COL4A2: variants seen among roughly 807,000 people sequenced by gnomAD.
COL4A2 encodes the protein collagen type IV alpha 2 chain.
COL4A2 carries 99 observed loss-of-function variants against 200.2 expected under a neutral mutation model. That is an observed-to-expected ratio of 0.49 (90% CI 0.42 to 0.58). The LOEUF (loss-of-function observed/expected upper bound fraction) is 0.58. COL4A2 is among the 20% of genes least tolerant of loss of function. The probability of loss-of-function intolerance (pLI) is 0.00; values close to 1 mark genes in which losing one functional copy is unlikely to be tolerated. For synonymous variants in COL4A2, 897 were observed against 900.6 expected, an observed-to-expected ratio of 1.00 and a Z score of 0.07; for missense variants, 1,950 against 2,314.1, an observed-to-expected ratio of 0.84 and a Z score of 3.23.
intron 3 of COL4A2, among the ~76,000 whole-genome samples, chr13:110,348,678 A>AGATAACTTTTTAGCTTTCAAAAGGAT (rs1876819795): frequency 6.6e-6 from 1 of 151,954 alleles, no homozygotes; most frequent in Admixed American, 6.5e-5. Flanking sequence ...TGCCTTGAAA[A>AGATAACTTTTTAGCTTTCAAAAGGAT]GATAACTTTT....
At chr13:110,312,683 G>A (rs1344919062) in intron 3 of COL4A2, among the ~76,000 whole-genome samples, 1 of 152,210 alleles carries the variant, frequency 6.6e-6, no homozygotes, top group Non-Finnish European at 1.5e-5. Context: ...TGTGTCTGCT[G>A]GTGTCTACTG....
rs1883276662 is a variant in COL4A2, at chr13:110,491,274, A to G, written c.3388A>G (p.Ile1130Val). 3.1e-6 allele frequency: 5 copies of G among 1,601,746 alleles called. No homozygotes were observed. Among genetic ancestry groups the G allele is most frequent in the East Asian group, 2.2e-5 (1 of 44,516 alleles). The part of the protein sequence containing the change: ...FFGEKGTEGD[I>V]GFPGITGVTG... ...TGGAGAGAAGGGAACAGAAGGTGAC[A>G]TCGGCTTCCCTGGGATAACAGGCGT... The change falls in exon 37 of 48, where the codon ATC (isoleucine) becomes GTC (valine). Residue 1130 changes from isoleucine to valine, a missense_variant. Ile to Val is a conservative substitution (Grantham distance 29, BLOSUM62 3). This residue lies in a region of COL4A2 where 1,385 missense variants were observed against 1,720.5 expected (regional missense o/e 0.80). Coordinates refer to ENST00000360467, the MANE Select transcript of COL4A2 (RefSeq NM_001846.4).
intron 17 of COL4A2, 90 bp from the exon 18 acceptor site, chr13:110,446,708 A>G: frequency 9.0e-7 from 1 of 1,115,256 alleles, no homozygotes; most frequent in East Asian, 2.5e-5. Context: ...CTGACGGTCC[A>G]CGCTCGGGTT....
In COL4A2 at chr13:110,491,192, G is replaced by A. The variant is rs576179008; in HGVS notation, c.3347-41G>A. 89 of 1,422,734 alleles carry A rather than the reference G, an allele frequency of 6.3e-5. 1 individual carries two copies. Among genetic ancestry groups the A allele is most frequent in the Middle Eastern group, 3.8e-4 (2 of 5,238 alleles). The allele number at this position is 1,422,734 out of a possible 1,614,324, so 88.1% of individuals were successfully genotyped here. A position where few individuals can be genotyped will look rare whatever the true frequency, so the allele number is the denominator to read the frequency against. ...GGGGTTCCAGGGAACCCACAGGGGCGCGGTGTCTGTTTGTTCCAAGCAGCA... is the reference window on the plus strand; with the variant it reads ...GGGGTTCCAGGGAACCCACAGGGGCACGGTGTCTGTTTGTTCCAAGCAGCA... On this transcript the variant is annotated intron_variant, in intron 36 of 47. Coordinates refer to ENST00000360467, the MANE Select transcript of COL4A2 (RefSeq NM_001846.4).
intron 47 of COL4A2, among the ~76,000 whole-genome samples, chr13:110,509,029 T>C (rs1188733013): frequency 6.6e-6 from 1 of 151,970 alleles, no homozygotes; most frequent in Non-Finnish European, 1.5e-5. Flanking sequence ...AAAAATCAAA[T>C]AGTGAATTGA....
Position 110,454,851 on chromosome 13 carries a change from C to T in COL4A2, c.1340-2492C>T, listed in dbSNP as rs139822358. Among the ~76,000 whole-genome samples, 366 of 152,258 alleles carry T rather than the reference C, an allele frequency of 2.4e-3. 2 individuals carry two copies. Among genetic ancestry groups the T allele is most frequent in the African/African-American group, 8.4e-3 (351 of 41,554 alleles). Reference sequence around the variant, plus strand: ...CTCGACACAGAGTCAACCCTATGCACGTGTCTCACAAATGCCTCAAGCTCT... The same window carrying T: ...CTCGACACAGAGTCAACCCTATGCATGTGTCTCACAAATGCCTCAAGCTCT... On this transcript the variant is annotated intron_variant, in intron 20 of 47. Coordinates refer to ENST00000360467, the MANE Select transcript of COL4A2 (RefSeq NM_001846.4).
intron 16 of COL4A2, among the ~76,000 whole-genome samples, chr13:110,442,259 T>C (rs1881156442): frequency 6.6e-6 from 1 of 152,250 alleles, no homozygotes; most frequent in South Asian, 2.1e-4. Flanking sequence ...CCCAGCTTAC[T>C]TTCTGCAGTT....
chr13:110,506,696 C>T (rs937169322), intron 46 of COL4A2, 90 bp downstream of exon 46: 2 of 1,349,990 alleles, frequency 1.5e-6, no homozygotes, highest in Non-Finnish European at 2.0e-6. Flanking sequence ...CTCCCAAACC[C>T]TCCACGGCTG....
At chr13:110,311,371 C>T (rs9583481) in intron 3 of COL4A2, among the ~76,000 whole-genome samples, 2,041 of 152,242 alleles carry the variant, frequency 0.013, 51 homozygotes, top group African/African-American at 0.047. Flanking sequence ...AAAATGGCTT[C>T]GTGTAAGGCA....
rs746411535 is a variant in COL4A2, at chr13:110,508,101, C to T, written c.4761C>T (p.Ile1587=). The change falls in exon 47 of 48, where the codon ATC becomes ATT. Residue 1587 remains isoleucine, a synonymous_variant. Transcript: ENST00000360467. The surrounding 1 kb of genome is among the most constrained non-coding windows in gnomAD (Gnocchi z 6.1). ...CCGAGGACGAGATCAAGCCCTACAT[C>T]AGCCGCTGTTCTGTGTGTGAGGCCC... ...PVAEDEIKPY[I]SRCSVCEAPA... The T allele has an allele frequency of 6.2e-7, 1 of 1,614,262 alleles. No individual in the cohort carries two copies. Among genetic ancestry groups the T allele is most frequent in the East Asian group, 2.2e-5 (1 of 44,886 alleles).
At chr13:110,375,872 A>C (rs113538746) in intron 4 of COL4A2, among the ~76,000 whole-genome samples, 17 of 152,216 alleles carry the variant, frequency 1.1e-4, no homozygotes, top group African/African-American at 3.1e-4. Context: ...TGATTATGCT[A>C]CATCTTTATA....
At chr13:110,387,595 C>T (rs866955999) in intron 4 of COL4A2, among the ~76,000 whole-genome samples, 1 of 152,228 alleles carries the variant, frequency 6.6e-6, no homozygotes, top group Non-Finnish European at 1.5e-5. Context: ...TGGGGAGGAA[C>T]GCAGGCGGCT....
At chr13:110,319,967 T>A (rs569363086) in intron 3 of COL4A2, among the ~76,000 whole-genome samples, 1 of 152,352 alleles carries the variant, frequency 6.6e-6, no homozygotes, top group South Asian at 2.1e-4. Flanking sequence ...CAGTGATATG[T>A]CAATTTCCTG....
rs1175475917 is a variant in COL4A2 at position 110,494,048 on chromosome 13, C to A, written c.3634+766C>A. Among the ~76,000 whole-genome samples, 39 of 142,566 alleles carry A rather than the reference C, an allele frequency of 2.7e-4. No individual in the cohort carries two copies. In the Admixed American group the frequency reaches 2.8e-3, roughly 10 times the overall value. The allele number at this position is 142,566 out of a possible 152,430, so 93.5% of individuals were successfully genotyped here. A position where few individuals can be genotyped will look rare whatever the true frequency, so the allele number is the denominator to read the frequency against. ...GGAGAATGACACAATCAGTCCATAG[C>A]AAGGTGAACCAAGGGCTTCTTACCA... is the stretch of plus-strand genomic sequence containing the variant. On this transcript the variant is annotated intron_variant, in intron 39 of 47. Coordinates refer to ENST00000360467, the MANE Select transcript of COL4A2 (RefSeq NM_001846.4).
intron 4 of COL4A2, among the ~76,000 whole-genome samples, chr13:110,418,994 T>C (rs1880145975): frequency 6.6e-6 from 1 of 152,224 alleles, no homozygotes; most frequent in Admixed American, 6.5e-5. Flanking sequence ...TTCCACCTTT[T>C]GGGACATTTT....
intron 4 of COL4A2, among the ~76,000 whole-genome samples, chr13:110,362,633 T>A (rs1385552690): frequency 1.3e-5 from 2 of 152,144 alleles, no homozygotes; most frequent in Non-Finnish European, 2.9e-5. Flanking sequence ...CTTTTTCTAT[T>A]CTCTTTTCAG....
intron 11 of COL4A2, among the ~76,000 whole-genome samples, chr13:110,433,723 G>A (rs957984528): frequency 1.3e-5 from 2 of 152,232 alleles, no homozygotes; most frequent in Non-Finnish European, 2.9e-5. Context: ...AGAGGACAGT[G>A]CCCGTGATGT....
At position 110,508,033 on chromosome 13, in the gene COL4A2, T is replaced by C. The variant is rs760207140; in HGVS notation, c.4693T>C (p.Tyr1565His). Reference protein sequence around the residue: ...CYYASRNDKSYWLSTTAPLPM... With the variant: ...CYYASRNDKSHWLSTTAPLPM... ...CTATGCCAGCCGGAACGACAAGTCC[T>C]ACTGGCTCTCTACCACTGCGCCGCT... The change falls in exon 47 of 48, where the codon TAC becomes CAC. Residue 1565 changes from tyrosine to histidine, a missense_variant. Around this residue, in one of 2 missense-constraint regions of COL4A2, gnomAD observed 1,385 missense variants for 1,720.5 expected, o/e 0.80. Transcript: ENST00000360467. The surrounding 1 kb of genome is among the most constrained non-coding windows in gnomAD (Gnocchi z 6.1). The C allele has an allele frequency of 1.9e-6, 3 of 1,614,230 alleles. No homozygotes were observed. The highest frequency in any genetic ancestry group is 1.7e-6 in the Non-Finnish European group (2 of 1,180,030).
chr13:110,344,714 C>A (rs1340265110), intron 3 of COL4A2, among the ~76,000 whole-genome samples: 3 of 152,220 alleles, frequency 2.0e-5, no homozygotes, highest in Non-Finnish European at 4.4e-5. Context: ...AATGCTTTCT[C>A]CACAGCTCTT....
Sources: gnomAD v4.1 joint callset for allele counts (sites outside exome capture counted in the v4.1 genomes callset) on GRCh38, gnomAD v4.1.1 for gene constraint, gnomAD v4.1.1 regional missense constraint, Gnocchi (gnomAD v3.1) non-coding constraint, MANE v1.5 for transcripts, NCBI Gene and HGNC (gene_info 2026-07-23, HGNC 2026-07-21) for gene names.